PAPSS1: variants seen among roughly 807,000 people sequenced by gnomAD.
The protein encoded by PAPSS1 is bifunctional 3'-phosphoadenosine 5'-phosphosulfate synthase 1.
In PAPSS1, 50 loss-of-function variants were observed where a neutral mutation model predicts 72.0. The observed-to-expected ratio is 0.69, with a 90% confidence interval of 0.55 to 0.88. The LOEUF (loss-of-function observed/expected upper bound fraction) is 0.88. Among genes scored for constraint, PAPSS1 ranks in the 40% least tolerant of loss-of-function variants. The pLI, the probability that PAPSS1 is intolerant of heterozygous loss-of-function variation, is 0.00. For missense variants in PAPSS1, 657 were observed against 782.2 expected, an observed-to-expected ratio of 0.84 and a Z score of 1.91; for synonymous variants, 261 against 263.6, an observed-to-expected ratio of 0.99 and a Z score of 0.09.
chr4:107,705,245 T>C (rs1723310245), intron 1 of PAPSS1, among the ~76,000 whole-genome samples: 1 of 152,218 alleles, frequency 6.6e-6, no homozygotes, highest in Non-Finnish European at 1.5e-5. Flanking sequence ...ATGGTTTGGC[T>C]ATGTGTCCCC....
At chr4:107,643,238 TCA>T (rs1222437641) in intron 10 of PAPSS1, among the ~76,000 whole-genome samples, 1 of 152,198 alleles carries the variant, frequency 6.6e-6, no homozygotes, top group Non-Finnish European at 1.5e-5. Context: ...GATGCAATAC[TCA>T]GGCCTCCTGC....
At chr4:107,626,773 CACT>C (rs761664318) in intron 11 of PAPSS1, among the ~76,000 whole-genome samples, 35 of 152,166 alleles carry the variant, frequency 2.3e-4, no homozygotes, top group Non-Finnish European at 3.2e-4. Context: ...ACTGTTTTCT[CACT>C]ACATCAAATG....
chr4:107,695,275 A>C (rs1031151602), intron 2 of PAPSS1, among the ~76,000 whole-genome samples: 1 of 152,152 alleles, frequency 6.6e-6, no homozygotes, highest in African/African-American at 2.4e-5. Context: ...GAGTTTATTC[A>C]TGATTTGGCT....
At chr4:107,701,321 T>A (rs777772619) in intron 1 of PAPSS1, 36 bp from the exon 2 acceptor site, 10 of 1,321,068 alleles carry the variant, frequency 7.6e-6, no homozygotes, top group South Asian at 7.3e-5. Flanking sequence ...CTAGTTTACA[T>A]GAGTCCTTTA....
intron 5 of PAPSS1, among the ~76,000 whole-genome samples, chr4:107,675,520 C>A (rs1212091528): frequency 6.6e-6 from 1 of 152,086 alleles, no homozygotes; most frequent in African/African-American, 2.4e-5. Context: ...CAATAACAGG[C>A]TCTGAAATTG....
Position 107,645,598 on chromosome 4 carries a change from T to C in PAPSS1, c.1238-528A>G, listed in dbSNP as rs543882629. Among the ~76,000 whole-genome samples the C allele has an allele frequency of 1.1e-4, 17 of 152,374 alleles. No homozygotes were observed. In the South Asian group the frequency reaches 2.5e-3, roughly 22 times the overall value. Reference sequence around the variant, plus strand: ...TCGACTAGAACCATATTTTGTTTTATGATCAAAGGTCTGAATTTTGGATTA... The same window carrying C: ...TCGACTAGAACCATATTTTGTTTTACGATCAAAGGTCTGAATTTTGGATTA... On this transcript the variant is annotated intron_variant, in intron 9 of 11. Transcript: ENST00000265174.
chr4:107,703,573 C>A (rs548330289), intron 1 of PAPSS1, among the ~76,000 whole-genome samples: 1 of 152,068 alleles, frequency 6.6e-6, no homozygotes, highest in Non-Finnish European at 1.5e-5. Context: ...TTCTTCTTCA[C>A]GCAGATATCC....
At position 107,660,438 on chromosome 4, in the gene PAPSS1, G is replaced by A. The variant is rs181298906; in HGVS notation, c.670-366C>T. Among the ~76,000 whole-genome samples the A allele has an allele frequency of 3.0e-3, 457 of 152,182 alleles. 3 individuals are homozygous for A. Among genetic ancestry groups the A allele is most frequent in the Middle Eastern group, 0.01 (3 of 294 alleles). Reference sequence around the variant, plus strand: ...ATCCTTATTATCTTTACCATATCACGAAACCATTTTATTCCAGCTTTTATA... The same window carrying A: ...ATCCTTATTATCTTTACCATATCACAAAACCATTTTATTCCAGCTTTTATA... On this transcript the variant is annotated intron_variant, in intron 5 of 11. Transcript: ENST00000265174.
intron 3 of PAPSS1, among the ~76,000 whole-genome samples, chr4:107,692,258 C>T (rs1722944794): frequency 6.6e-6 from 1 of 151,942 alleles, no homozygotes. Context: ...GAACAGACAA[C>T]CTACAGAATG....
chr4:107,708,072 T>G (rs1280973648), intron 1 of PAPSS1, among the ~76,000 whole-genome samples: 1 of 152,210 alleles, frequency 6.6e-6, no homozygotes, highest in Non-Finnish European at 1.5e-5. Flanking sequence ...CCACAAAAGC[T>G]GCACCCCTTC....
intron 11 of PAPSS1, among the ~76,000 whole-genome samples, chr4:107,616,292 T>C (rs1725821277): frequency 6.6e-6 from 1 of 152,196 alleles, no homozygotes. Flanking sequence ...CAAAATCAAA[T>C]GAGAATGTCA....
chr4:107,648,167 T>C (rs932924621), intron 9 of PAPSS1, among the ~76,000 whole-genome samples: 4 of 152,178 alleles, frequency 2.6e-5, no homozygotes, highest in Admixed American at 1.3e-4. Context: ...AGGAAACAAG[T>C]GAAGTCTGAT....
At chr4:107,623,894 T>C (rs142403469) in intron 11 of PAPSS1, among the ~76,000 whole-genome samples, 25 of 152,368 alleles carry the variant, frequency 1.6e-4, no homozygotes, top group African/African-American at 5.0e-4. Flanking sequence ...AGATCCACAA[T>C]ACTTTTATGA....
chr4:107,659,730 A>G (rs1384780895), intron 6 of PAPSS1, among the ~76,000 whole-genome samples: 1 of 152,202 alleles, frequency 6.6e-6, no homozygotes, highest in Non-Finnish European at 1.5e-5. Context: ...ATAGTTCAAA[A>G]TAAATAAGTA....
At chr4:107,635,689 A>AAAATAAAT (rs913989560) in intron 10 of PAPSS1, among the ~76,000 whole-genome samples, 2 of 152,166 alleles carry the variant, frequency 1.3e-5, no homozygotes, top group African/African-American at 4.8e-5. Flanking sequence ...AACCACTTAA[A>AAAATAAAT]AAATAAATAA....
Position 107,632,512 on chromosome 4 carries a change from A to T in PAPSS1, c.1507-652T>A, listed in dbSNP as rs565476202. ...TTATAACATATGCCTAATACTAGTT[A>T]AAAAAAAAAAGATTGGTTGTGAGTA... On this transcript the variant is annotated intron_variant, in intron 10 of 11. Coordinates refer to ENST00000265174, the MANE Select transcript of PAPSS1 (RefSeq NM_005443.5). Among the ~76,000 whole-genome samples the T allele has an allele frequency of 5.9e-5, 5 of 84,372 alleles. 1 individual carries two copies. Among genetic ancestry groups the T allele is most frequent in the Admixed American group, 3.7e-4 (3 of 8,116 alleles). The allele number at this position is 84,372 out of a possible 152,430, so 55.4% of individuals were successfully genotyped here.
At chr4:107,678,804 G>A (rs1301322297) in intron 5 of PAPSS1, among the ~76,000 whole-genome samples, 1 of 152,026 alleles carries the variant, frequency 6.6e-6, no homozygotes, top group Non-Finnish European at 1.5e-5. Context: ...AAAAAACTAT[G>A]CTCACTCACC....
chr4:107,680,987 C>T (rs570897309), intron 5 of PAPSS1, among the ~76,000 whole-genome samples: 17 of 152,026 alleles, frequency 1.1e-4, no homozygotes, highest in African/African-American at 3.4e-4. Flanking sequence ...GAAGGAAAGT[C>T]CCAAGTTACC....
chr4:107,680,656 C>A (rs1043806364), intron 5 of PAPSS1, among the ~76,000 whole-genome samples: 2 of 152,092 alleles, frequency 1.3e-5, no homozygotes, highest in Non-Finnish European at 2.9e-5. Context: ...TTACTAGAGC[C>A]TAGGACTATA....
Sources: gnomAD v4.1 joint callset for allele counts (sites outside exome capture counted in the v4.1 genomes callset) on GRCh38, gnomAD v4.1.1 for gene constraint, MANE v1.5 for transcripts, NCBI Gene and HGNC (gene_info 2026-07-23, HGNC 2026-07-21) for gene names.